The following PCDHGA8 variants were observed in gnomAD, a reference collection of about 807,000 sequenced individuals.
PCDHGA8 encodes the protein protocadherin gamma subfamily A, 8, also known as protocadherin gamma-A8.
Under a neutral mutation model 59.2 loss-of-function variants are expected in PCDHGA8, and 45 were observed. The observed-to-expected ratio is 0.76, with a 90% CI of 0.60 to 0.98. PCDHGA8 has a LOEUF of 0.98. Among genes scored for constraint, PCDHGA8 ranks in the 50% least tolerant of loss-of-function variants. The probability of loss-of-function intolerance (pLI) is 0.00; values close to 1 mark genes in which losing one functional copy is unlikely to be tolerated. For missense variants in PCDHGA8, 1,257 were observed against 1,196.2 expected, an observed-to-expected ratio of 1.05 and a Z score of -0.75; for synonymous variants, 531 against 519.0, an observed-to-expected ratio of 1.02 and a Z score of -0.32.
chr5:141,509,785 C>T (rs1445220885), intron 3 of PCDHGA8, among the ~76,000 whole-genome samples: 1 of 152,166 alleles, frequency 6.6e-6, no homozygotes, highest in African/African-American at 2.4e-5. Context: ...CCGAGATCAT[C>T]ATCTCCTCAG....
chr5:141,410,640 G>A (rs747132686), intron 1 of PCDHGA8: 1 of 1,599,056 alleles, frequency 6.3e-7, no homozygotes, highest in Non-Finnish European at 8.5e-7. Flanking sequence ...TCTTTTTTGT[G>A]TGTGATTTAT....
intron 1 of PCDHGA8, chr5:141,427,842 C>T: frequency 6.5e-7 from 1 of 1,549,268 alleles, no homozygotes. Flanking sequence ...TGCCTTCGAC[C>T]ACGAGCAGCT....
rs1476740920 is a variant in PCDHGA8, at chr5:141,443,326, A to AC, written c.2424+48089_2424+48090insC. Among the ~76,000 whole-genome samples the AC allele has an allele frequency of 3.3e-5, 5 of 151,792 alleles. No homozygotes were observed. The South Asian group carries it at 8.3e-4, about 25-fold the overall frequency. ...CAAAAACCCATCTCTACAAAAAAAA[A>AC]AAACAAAAATTAACAAGGTTTAGTG... On this transcript the variant is annotated intron_variant, in intron 1 of 3. Transcript: ENST00000398604.
intron 1 of PCDHGA8, chr5:141,403,784 G>C: frequency 1.9e-6 from 3 of 1,613,906 alleles, no homozygotes; most frequent in East Asian, 2.2e-5. Context: ...CGGAAAAGTG[G>C]CATACAAATT....
intron 1 of PCDHGA8, among the ~76,000 whole-genome samples, chr5:141,425,459 C>A (rs2096876834): frequency 6.6e-6 from 1 of 152,200 alleles, no homozygotes; most frequent in African/African-American, 2.4e-5. Flanking sequence ...CATCACATTT[C>A]ATGTTATTAA....
chr5:141,489,530 G>C lies in PCDHGA8; in HGVS notation c.2425-5277G>C, dbSNP rs751249228. 17 of 1,614,092 alleles carry C rather than the reference G, an allele frequency of 1.1e-5. 1 individual carries two copies. In the South Asian group the frequency reaches 1.9e-4, roughly 18 times the overall value. ...AAGATTGACCGAGAAAGCCTATGTG[G>C]AGCCAGCACCAGCTGCCTGCTGCCA... On this transcript the variant is annotated intron_variant, in intron 1 of 3. Coordinates refer to ENST00000398604, the MANE Select transcript of PCDHGA8 (RefSeq NM_032088.2). The surrounding 1 kb of genome is among the most constrained non-coding windows in gnomAD (Gnocchi z 4.5).
rs765703225 is a variant in PCDHGA8 at position 141,394,644 on chromosome 5, G to C, written c.1831G>C (p.Ala611Pro). 1.2e-6 allele frequency: 2 copies of C among 1,613,358 alleles called. No individual in the cohort carries two copies. The highest frequency in any genetic ancestry group is 3.3e-5 in the Admixed American group (2 of 60,000). ...NAWLSYRLLK[A>P]SEPGLFSVGL... Reference sequence around the variant, plus strand: ...CTGGCTGTCCTACCGCCTGCTCAAGGCCAGCGAGCCGGGACTCTTCTCGGT... The same window carrying C: ...CTGGCTGTCCTACCGCCTGCTCAAGCCCAGCGAGCCGGGACTCTTCTCGGT... Residue 611 changes from alanine (A) to proline (P), a missense_variant, in exon 1 of 4, where the codon GCC becomes CCC. Transcript: ENST00000398604.
rs760680204 is a variant in PCDHGA8, at chr5:141,477,505, CG to C, written c.2425-17301del. ...CACAATCTTCTCAATCTTCCTACGA[CG>C]TTTACATTGAAGAAAACAACCTCCC... On this transcript the variant is annotated intron_variant, in intron 1 of 3. Coordinates refer to ENST00000398604, the MANE Select transcript of PCDHGA8 (RefSeq NM_032088.2). The surrounding 1 kb of genome is among the most constrained non-coding windows in gnomAD (Gnocchi z 4.9). The C allele has an allele frequency of 1.2e-5, 19 of 1,614,008 alleles. No individual in the cohort carries two copies. The highest frequency in any genetic ancestry group is 8.5e-7 in the Non-Finnish European group (1 of 1,180,018).
intron 1 of PCDHGA8, chr5:141,423,256 G>T (rs751894091): frequency 1.4e-5 from 22 of 1,613,816 alleles, no homozygotes; most frequent in Middle Eastern, 1.6e-4. Flanking sequence ...GGCGGACCTC[G>T]GCAGCCTCGA....
chr5:141,404,596 G>A, intron 1 of PCDHGA8: 1 of 1,614,080 alleles, frequency 6.2e-7, no homozygotes, highest in Non-Finnish European at 8.5e-7. Context: ...ATGTGTCATT[G>A]AGACTGTTTG....
At position 141,431,280 on chromosome 5, in the gene PCDHGA8, C is replaced by G; in HGVS notation, c.2424+36043C>G. ...TCTCTGCAGAGCTACGAGCTCAGCC[C>G]GAACACTCACTTCTCCCTCATCGTG... On this transcript the variant is annotated intron_variant, in intron 1 of 3. Transcript: ENST00000398604. This position sits in a 1 kb window ranked among gnomAD's most constrained non-coding sequence, Gnocchi z 4.8. The G allele has an allele frequency of 6.2e-7, 1 of 1,614,146 alleles. No homozygotes were observed. The highest frequency in any genetic ancestry group is 8.5e-7 in the Non-Finnish European group (1 of 1,180,040).
chr5:141,454,503 T>A (rs988138847), intron 1 of PCDHGA8, among the ~76,000 whole-genome samples: 1 of 152,308 alleles, frequency 6.6e-6, no homozygotes, highest in Non-Finnish European at 1.5e-5. Flanking sequence ...ACCTCCTGGA[T>A]TCAGGCAGTT....
chr5:141,476,754 T>G lies in PCDHGA8; in HGVS notation c.2425-18053T>G. 1 of 1,613,926 alleles carries G rather than the reference T, an allele frequency of 6.2e-7. No individual in the cohort carries two copies. The highest frequency in any genetic ancestry group is 1.1e-5 in the South Asian group (1 of 91,084). On this transcript the variant is annotated intron_variant, in intron 1 of 3. Coordinates refer to ENST00000398604, the MANE Select transcript of PCDHGA8 (RefSeq NM_032088.2). The surrounding 1 kb of genome is among the most constrained non-coding windows in gnomAD (Gnocchi z 7.6). Reference sequence around the variant, plus strand: ...GAACGGGAGCCTAGTCTCCAGTTAGTGCTGACGGCGTTGGACGGAGGGACC... The same window carrying G: ...GAACGGGAGCCTAGTCTCCAGTTAGGGCTGACGGCGTTGGACGGAGGGACC...
chr5:141,436,267 T>C (rs2097805427), intron 1 of PCDHGA8, among the ~76,000 whole-genome samples: 1 of 152,198 alleles, frequency 6.6e-6, no homozygotes, highest in South Asian at 2.1e-4. Flanking sequence ...TCTGCTCACC[T>C]AACTTGATTT....
intron 1 of PCDHGA8, chr5:141,404,898 A>G (rs760424169): frequency 1.9e-6 from 3 of 1,613,714 alleles, no homozygotes; most frequent in Non-Finnish European, 2.5e-6. Context: ...GTACAGGACC[A>G]TGGCCAGCCC....
intron 1 of PCDHGA8, chr5:141,410,302 A>C: frequency 1.2e-6 from 2 of 1,613,356 alleles, no homozygotes; most frequent in Non-Finnish European, 1.7e-6. Flanking sequence ...CCTTAATCTC[A>C]GTGCTCTTCC....
rs560084217 is a variant in PCDHGA8 at position 141,395,247 on chromosome 5, G to A, written c.2424+10G>A. On this transcript the variant is annotated intron_variant, in intron 1 of 3. Transcript: ENST00000398604. ...AGCTGATCATGGTCAGGTGAGTTTA[G>A]TTCTTTGCTTGCTTTTAATTTCCAG... 4 of 1,561,194 alleles carry A rather than the reference G, an allele frequency of 2.6e-6. No individual in the cohort carries two copies. The East Asian group carries it at 9.1e-5, about 35-fold the overall frequency.
At position 141,393,874 on chromosome 5, in the gene PCDHGA8, G is replaced by C; in HGVS notation, c.1061G>C (p.Ser354Thr). Reference protein sequence around the residue: ...RPEVIITSLFSPVLENSLPGT... With the variant: ...RPEVIITSLFTPVLENSLPGT... ...GAAGTGATCATTACGTCTTTGTTTA[G>C]CCCAGTGTTAGAAAATTCTCTTCCC... The change falls in exon 1 of 4, where the codon AGC becomes ACC. Residue 354 changes from serine (S) to threonine (T), a missense_variant. Ser to Thr is a moderately conservative substitution (Grantham distance 58). Transcript: ENST00000398604. 6.2e-7 allele frequency: 1 copy of C among 1,613,944 alleles called. No individual in the cohort carries two copies.
chr5:141,404,617 G>A (rs760355068), intron 1 of PCDHGA8: 4 of 1,614,032 alleles, frequency 2.5e-6, no homozygotes, highest in Non-Finnish European at 2.5e-6. Flanking sequence ...TTTTGGACCA[G>A]AATGACAATG....
Sources: allele counts gnomAD v4.1 joint callset (sites outside exome capture counted in the v4.1 genomes callset), GRCh38; gene constraint gnomAD v4.1.1; non-coding constraint Gnocchi (gnomAD v3.1); transcripts MANE v1.5; gene names NCBI Gene and HGNC (gene_info 2026-07-23, HGNC 2026-07-21).